Variants in EPHA7 observed in about 807,000 individuals in gnomAD.
EPHA7 encodes the protein ephrin type-A receptor 7.
Under a neutral mutation model 112.6 loss-of-function variants are expected in EPHA7, and 25 were observed. The observed-to-expected ratio is 0.22, with a 90% CI of 0.16 to 0.31. EPHA7 has a LOEUF of 0.31. Ranked by LOEUF, EPHA7 falls within the 10% of genes least tolerant of loss-of-function variation. EPHA7 has a pLI of 1.00. For synonymous variants in EPHA7, 437 were observed against 406.5 expected, an observed-to-expected ratio of 1.07 and a Z score of -0.90; for missense variants, 962 against 1,212.6, an observed-to-expected ratio of 0.79 and a Z score of 3.07.
In EPHA7 at chr6:93,410,410, T is replaced by C; in HGVS notation, c.832+91A>G. The C allele has an allele frequency of 8.4e-7, 1 of 1,192,326 alleles. No individual in the cohort carries two copies. The highest frequency in any genetic ancestry group is 1.2e-6 in the Non-Finnish European group (1 of 842,324). 73.9% of individuals were successfully genotyped at this position (1,192,326 alleles called of 1,614,324 possible). A position where few individuals can be genotyped will look rare whatever the true frequency, so the allele number is the denominator to read the frequency against. On this transcript the variant is annotated intron_variant, in intron 3 of 16. Coordinates refer to ENST00000369303, the MANE Select transcript of EPHA7 (RefSeq NM_004440.4). The surrounding 1 kb of genome is among the most constrained non-coding windows in gnomAD (Gnocchi z 4.0). Reference sequence around the variant, plus strand: ...AATTGCGCTTCTGGTACAGAGCAGATTCACGTATTCAAATAACTATTAAAG... The same window carrying C: ...AATTGCGCTTCTGGTACAGAGCAGACTCACGTATTCAAATAACTATTAAAG...
At chr6:93,333,339 G>A (rs1395011543) in intron 5 of EPHA7, among the ~76,000 whole-genome samples, 1 of 151,738 alleles carries the variant, frequency 6.6e-6, no homozygotes, top group Non-Finnish European at 1.5e-5. Flanking sequence ...ATTGTGCTGT[G>A]ACGAACATAC....
intron 5 of EPHA7, among the ~76,000 whole-genome samples, chr6:93,278,238 A>G (rs1332672641): frequency 6.6e-6 from 1 of 152,042 alleles, no homozygotes; most frequent in Non-Finnish European, 1.5e-5. Flanking sequence ...CATTGTTGCT[A>G]AACACATACT....
chr6:93,245,292 G>A lies in EPHA7; in HGVS notation c.2882+6C>T. Reference sequence around the variant, plus strand: ...CTTAAATACAATTTTAAGAGTTTAAGCTTACTCAATAGTCATCCTGGCTAC... The same window carrying A: ...CTTAAATACAATTTTAAGAGTTTAAACTTACTCAATAGTCATCCTGGCTAC... On this transcript the variant is annotated splice_donor_region_variant and intron_variant, in intron 16 of 16. Coordinates refer to ENST00000369303, the MANE Select transcript of EPHA7 (RefSeq NM_004440.4). 6.2e-7 allele frequency: 1 copy of A among 1,611,188 alleles called. No homozygotes were observed. Among genetic ancestry groups the A allele is most frequent in the Non-Finnish European group, 8.5e-7 (1 of 1,179,130 alleles).
intron 5 of EPHA7, among the ~76,000 whole-genome samples, chr6:93,350,271 C>G (rs544981492): frequency 2.6e-4 from 39 of 152,080 alleles, no homozygotes; most frequent in Admixed American, 3.3e-4. Context: ...CACTTAACAG[C>G]TCTTATCACT....
chr6:93,360,819 G>T (rs917773452), intron 3 of EPHA7, among the ~76,000 whole-genome samples: 3 of 151,962 alleles, frequency 2.0e-5, no homozygotes, highest in African/African-American at 7.2e-5. Flanking sequence ...AATTCTGTTT[G>T]TCTAGGATAA....
intron 3 of EPHA7, among the ~76,000 whole-genome samples, chr6:93,367,507 T>C (rs1776574293): frequency 6.6e-6 from 1 of 152,082 alleles, no homozygotes; most frequent in Non-Finnish European, 1.5e-5. Context: ...AAAGATAAAA[T>C]TCATATTTTG....
At chr6:93,414,470 A>G (rs907923466) in intron 2 of EPHA7, among the ~76,000 whole-genome samples, 1 of 151,778 alleles carries the variant, frequency 6.6e-6, no homozygotes, top group Non-Finnish European at 1.5e-5. Context: ...TCCACACAAT[A>G]AGAACTCAAA....
At chr6:93,409,830 G>T (rs1340615118) in intron 3 of EPHA7, 3 of 149,668 alleles carry the variant, frequency 2.0e-5, no homozygotes, top group Non-Finnish European at 3.0e-5. Flanking sequence ...TTCAAAACAT[G>T]CAATTGGTGT....
chr6:93,275,824 A>G (rs1225316577), intron 5 of EPHA7, among the ~76,000 whole-genome samples: 2 of 152,068 alleles, frequency 1.3e-5, no homozygotes, highest in Non-Finnish European at 2.9e-5. Context: ...TGAACCAATC[A>G]GCATTTTTAC....
intron 3 of EPHA7, among the ~76,000 whole-genome samples, chr6:93,395,722 T>C (rs1211512123): frequency 6.6e-6 from 1 of 151,808 alleles, no homozygotes; most frequent in Non-Finnish European, 1.5e-5. Flanking sequence ...TCATTTACAC[T>C]TGGCTGAGAA....
At position 93,255,821 on chromosome 6, in the gene EPHA7, T is replaced by C. The variant is rs1463037175; in HGVS notation, c.2382+7A>G. ...ATGAAGAAGTGCAGTAAATGACTTT[T>C]TCTTACAGTAGTTGTATAGACAGCT... On this transcript the variant is annotated splice_region_variant and intron_variant, in intron 13 of 16. Transcript: ENST00000369303. 12 of 1,610,896 alleles carry C rather than the reference T, an allele frequency of 7.4e-6. No individual in the cohort carries two copies. The East Asian group carries it at 2.7e-4, about 36-fold the overall frequency.
intron 5 of EPHA7, among the ~76,000 whole-genome samples, chr6:93,316,717 ATGTC>A (rs1446329651): frequency 6.6e-6 from 1 of 152,134 alleles, no homozygotes; most frequent in East Asian, 1.9e-4. Context: ...ATTGTTTACT[ATGTC>A]TGATTATATT....
chr6:93,348,427 C>T (rs164535), intron 5 of EPHA7, among the ~76,000 whole-genome samples: 57,813 of 151,436 alleles, frequency 0.38, 12,659 homozygotes, highest in African/African-American at 0.58. Context: ...GATCTCTGTG[C>T]TTCTACATAT....
intron 1 of EPHA7, among the ~76,000 whole-genome samples, chr6:93,417,550 C>T (rs1779301757): frequency 6.6e-6 from 1 of 152,238 alleles, no homozygotes; most frequent in East Asian, 1.9e-4. Flanking sequence ...ATTCTGGCTG[C>T]AGGAACCTCT....
intron 3 of EPHA7, among the ~76,000 whole-genome samples, chr6:93,378,046 A>G (rs1377087642): frequency 1.8e-5 from 1 of 55,144 alleles, no homozygotes; most frequent in African/African-American, 8.9e-5. Context: ...CACTGTAGAA[A>G]CATGGACTCT....
At chr6:93,266,543 T>C (rs909182741) in intron 7 of EPHA7, among the ~76,000 whole-genome samples, 5 of 151,766 alleles carry the variant, frequency 3.3e-5, no homozygotes, top group Non-Finnish European at 5.9e-5. Context: ...AGTAATTTGC[T>C]AAGGCTATAA....
intron 3 of EPHA7, among the ~76,000 whole-genome samples, chr6:93,382,491 C>T (rs1777387304): frequency 6.6e-6 from 1 of 152,176 alleles, no homozygotes; most frequent in African/African-American, 2.4e-5. Context: ...GTGACCACTA[C>T]TGTCTGCAGG....
intron 3 of EPHA7, among the ~76,000 whole-genome samples, chr6:93,402,179 TCCTTATGTTCTCCC>T (rs1225406191): frequency 1.3e-5 from 2 of 152,016 alleles, no homozygotes; most frequent in African/African-American, 4.8e-5. Context: ...CTTCCGTATT[TCCTTATGTTCTCCC>T]CCCTTTCATC....
At chr6:93,255,768 G>T in intron 13 of EPHA7, 60 bp downstream of exon 13, 1 of 1,443,284 alleles carries the variant, frequency 6.9e-7, no homozygotes, top group Non-Finnish European at 9.7e-7. Flanking sequence ...ATTAGGTCCT[G>T]CTTTCGTGGT....
Sources: allele counts gnomAD v4.1 joint callset (sites outside exome capture counted in the v4.1 genomes callset), GRCh38; gene constraint gnomAD v4.1.1; non-coding constraint Gnocchi (gnomAD v3.1); transcripts MANE v1.5; gene names NCBI Gene and HGNC (gene_info 2026-07-23, HGNC 2026-07-21).